The following MBTD1 variants were observed in gnomAD, a reference collection of about 807,000 sequenced individuals.
MBTD1 encodes MBT domain-containing protein 1.
A neutral mutation model predicts 87.8 loss-of-function variants in MBTD1; 24 were observed. The ratio of observed to expected loss-of-function variants is 0.27; its 90% confidence interval spans 0.20 to 0.38. The LOEUF (loss-of-function observed/expected upper bound fraction) is 0.38, where lower values mean the gene tolerates loss of function less well. Among genes scored for constraint, MBTD1 ranks in the 10% least tolerant of loss-of-function variants. The probability of loss-of-function intolerance (pLI) is 1.00; values close to 1 mark genes in which losing one functional copy is unlikely to be tolerated. For missense variants in MBTD1, 436 were observed against 760.2 expected (o/e 0.57, Z 5.02); for synonymous variants, 237 against 248.6 (o/e 0.95, Z 0.44).
At chr17:51,225,296 A>G (rs1445051735) in intron 2 of MBTD1, 87 bp from the exon 3 acceptor site, 1 of 589,984 alleles carries the variant, frequency 1.7e-6, no homozygotes, top group Non-Finnish European at 2.6e-6. Flanking sequence ...GGTAAATGAG[A>G]TTTGATAAAT....
At chr17:51,248,122 C>T (rs546694194) in intron 2 of MBTD1, among the ~76,000 whole-genome samples, 1 of 152,294 alleles carries the variant, frequency 6.6e-6, no homozygotes, top group Non-Finnish European at 1.5e-5. Flanking sequence ...CCTTTCCCCA[C>T]TTGGTTAAAT....
intron 8 of MBTD1, 81 bp from the exon 9 acceptor site, chr17:51,203,309 T>A (rs1428558541): frequency 1.3e-6 from 1 of 742,170 alleles, no homozygotes; most frequent in African/African-American, 1.8e-5. Context: ...GTAACAAATT[T>A]CCTTGCAAAG....
rs2050212047 is a variant in MBTD1 at position 51,179,494 on chromosome 17, A to ATATATATATATATTTATATTTATATT, written c.*1081_*1082insAATATAAATATAAATATATATATATA. On this transcript the variant is annotated 3_prime_UTR_variant, in exon 17 of 17. Coordinates refer to ENST00000586178, the MANE Select transcript of MBTD1 (RefSeq NM_017643.3). ...CAATTAAAGACAATTTTATATATAT[A>ATATATATATATATTTATATTTATATT]TATATATATATATATATATATATAT... 2.4e-5 allele frequency: 1 copy of ATATATATATATATTTATATTTATATT among 41,462 alleles called. No homozygotes were observed. The highest frequency in any genetic ancestry group is 4.8e-5 in the Non-Finnish European group (1 of 20,710). The allele number at this position is 41,462 out of a possible 1,614,324, so 2.6% of individuals were successfully genotyped here.
intron 2 of MBTD1, among the ~76,000 whole-genome samples, chr17:51,247,646 A>C (rs1208919756): frequency 1.3e-5 from 2 of 152,060 alleles, no homozygotes; most frequent in African/African-American, 2.4e-5. Context: ...ATCAAGTCTC[A>C]CTACAATTGC....
intron 2 of MBTD1, among the ~76,000 whole-genome samples, chr17:51,257,312 GAAAC>G (rs1448948805): frequency 6.6e-6 from 1 of 152,178 alleles, no homozygotes; most frequent in Non-Finnish European, 1.5e-5. Flanking sequence ...GAAAAGCTGA[GAAAC>G]AAAGAGCAAC....
rs2050377935 is a variant in MBTD1 at position 51,182,846 on chromosome 17, G to A, written c.1769-2152C>T. Among the ~76,000 whole-genome samples the A allele has an allele frequency of 1.3e-5, 2 of 152,232 alleles. 1 individual carries two copies. The highest frequency in any genetic ancestry group is 4.1e-4 in the South Asian group (2 of 4,830). On this transcript the variant is annotated intron_variant, in intron 16 of 16. Transcript: ENST00000586178. Reference sequence around the variant, plus strand: ...ACTCAGCAGAGTATCTGGATAGGTAGTATGCCACTTAAGTTTTTCATGAAG... The same window carrying A: ...ACTCAGCAGAGTATCTGGATAGGTAATATGCCACTTAAGTTTTTCATGAAG...
intron 2 of MBTD1, among the ~76,000 whole-genome samples, chr17:51,241,227 G>C (rs976422484): frequency 1.3e-5 from 2 of 152,126 alleles, no homozygotes; most frequent in African/African-American, 4.8e-5. Context: ...TCCTGCCTTG[G>C]CCTCCCAAAG....
intron 3 of MBTD1, among the ~76,000 whole-genome samples, chr17:51,222,994 C>T (rs963918346): frequency 6.6e-6 from 1 of 150,896 alleles, no homozygotes; most frequent in East Asian, 2.0e-4. Flanking sequence ...TTCGCAGAGA[C>T]GGGGTTTCAC....
At chr17:51,214,573 T>C (rs2052458443) in intron 6 of MBTD1, among the ~76,000 whole-genome samples, 2 of 151,874 alleles carry the variant, frequency 1.3e-5, no homozygotes, top group Admixed American at 1.3e-4. Context: ...GAAGAAGAGG[T>C]TGGGTTAAGT....
At chr17:51,215,572 C>A (rs944480202) in intron 6 of MBTD1, among the ~76,000 whole-genome samples, 2 of 152,056 alleles carry the variant, frequency 1.3e-5, no homozygotes, top group Non-Finnish European at 2.9e-5. Flanking sequence ...TAATTCTGAG[C>A]GTCAAGAAAG....
At chr17:51,224,027 C>G (rs926982643) in intron 3 of MBTD1, among the ~76,000 whole-genome samples, 2 of 152,152 alleles carry the variant, frequency 1.3e-5, no homozygotes, top group African/African-American at 2.4e-5. Context: ...AAAGCTAAAG[C>G]AATTTTGGTG....
chr17:51,217,153 A>G (rs899881948), intron 6 of MBTD1, among the ~76,000 whole-genome samples, 181 bp downstream of exon 6: 2 of 152,204 alleles, frequency 1.3e-5, no homozygotes, highest in East Asian at 3.8e-4. Flanking sequence ...GGAAACTTGT[A>G]CTTACAAAAC....
At chr17:51,228,092 C>T (rs762773949) in intron 2 of MBTD1, among the ~76,000 whole-genome samples, 1 of 151,876 alleles carries the variant, frequency 6.6e-6, no homozygotes, top group Non-Finnish European at 1.5e-5. Flanking sequence ...AAACCCAACC[C>T]AATTTTCTCA....
intron 2 of MBTD1, among the ~76,000 whole-genome samples, chr17:51,248,604 T>C (rs1162974416): frequency 6.6e-6 from 1 of 152,254 alleles, no homozygotes; most frequent in Non-Finnish European, 1.5e-5. Flanking sequence ...TAAGATTTTA[T>C]ATAAATGGCA....
chr17:51,186,817 A>C (rs2050560349), intron 16 of MBTD1, among the ~76,000 whole-genome samples: 1 of 151,944 alleles, frequency 6.6e-6, no homozygotes, highest in Non-Finnish European at 1.5e-5. Context: ...AGAACAGCTG[A>C]ACAGCTGGCC....
intron 2 of MBTD1, among the ~76,000 whole-genome samples, chr17:51,237,415 A>C (rs531840772): frequency 1.3e-5 from 2 of 152,310 alleles, no homozygotes; most frequent in South Asian, 4.1e-4. Context: ...CAGACTGGGA[A>C]AAATATTTGC....
chr17:51,260,660 A>C, upstream of MBTD1: 1 of 1,612,204 alleles, frequency 6.2e-7, no homozygotes, highest in Non-Finnish European at 8.5e-7. Context: ...GCCCGGAATG[A>C]GGCCGGACTG....
chr17:51,231,089 C>T (rs1161495444), intron 2 of MBTD1, among the ~76,000 whole-genome samples: 2 of 152,150 alleles, frequency 1.3e-5, no homozygotes, highest in Non-Finnish European at 2.9e-5. Flanking sequence ...AGGCGCCTGC[C>T]ACCACGCCAG....
chr17:51,212,947 C>T (rs2052337129), intron 6 of MBTD1, among the ~76,000 whole-genome samples: 1 of 152,176 alleles, frequency 6.6e-6, no homozygotes, highest in African/African-American at 2.4e-5. Context: ...TCAGGCTGGT[C>T]TTGAACTGCT....
Sources: gnomAD v4.1 joint callset for allele counts (sites outside exome capture counted in the v4.1 genomes callset) on GRCh38, gnomAD v4.1.1 for gene constraint, MANE v1.5 for transcripts, NCBI Gene and HGNC (gene_info 2026-07-23, HGNC 2026-07-21) for gene names.